Variants in ANKHD1 observed in about 807,000 individuals in gnomAD.
ANKHD1 encodes the protein ankyrin repeat and KH domain-containing protein 1.
In ANKHD1, 31 loss-of-function variants were observed where a neutral mutation model predicts 230.5. The ratio of observed to expected loss-of-function variants is 0.13; its 90% CI spans 0.10 to 0.18. The LOEUF is 0.18. Ranked by LOEUF, ANKHD1 falls within the 10% of genes least tolerant of loss-of-function variation. ANKHD1 has a pLI of 1.00. For synonymous variants in ANKHD1, 1,074 were observed against 1,117.6 expected (o/e 0.96, Z 0.78); for missense variants, 2,256 against 3,071.3 (o/e 0.73, Z 6.27).
chr5:140,500,893 C>T (rs1299779055), intron 15 of ANKHD1, among the ~76,000 whole-genome samples: 1 of 151,844 alleles, frequency 6.6e-6, no homozygotes, highest in Non-Finnish European at 1.5e-5. Flanking sequence ...AGTTTTAATA[C>T]AGTTTTTGAC....
At position 140,463,930 on chromosome 5, in the gene ANKHD1, C is replaced by T. The variant is rs551496991; in HGVS notation, c.1673-737C>T. 9.9e-5 allele frequency among the ~76,000 whole-genome samples: 15 copies of T among 152,154 alleles called. No individual in the cohort carries two copies. The South Asian group carries it at 3.1e-3, about 32-fold the overall frequency. On this transcript the variant is annotated intron_variant, in intron 9 of 33. Transcript: ENST00000360839. ...GATCTGCCCGCCTCAGCCTCAGCCT[C>T]CCAAAGTGCAAGGGTTACAGGTTTG...
chr5:140,528,315 C>G lies in ANKHD1; in HGVS notation c.5369C>G (p.Ala1790Gly). Residue 1790 changes from alanine to glycine, a missense_variant, in exon 29 of 34, where the codon GCT (alanine) becomes GGT (glycine). Coordinates refer to ENST00000360839, the MANE Select transcript of ANKHD1 (RefSeq NM_017747.3). ...CCTGCCAGCACCAAATCAATTCATG[C>G]TAACTTCTCATCTGGAGTAGGTACC... Reference protein sequence around the residue: ...RTPASTKSIHANFSSGVGTTA... With the variant: ...RTPASTKSIHGNFSSGVGTTA... 1.2e-6 allele frequency: 2 copies of G among 1,614,052 alleles called. No homozygotes were observed. Among genetic ancestry groups the G allele is most frequent in the Non-Finnish European group, 8.5e-7 (1 of 1,180,008 alleles).
At chr5:140,406,507 C>G (rs1230906283) in intron 1 of ANKHD1, among the ~76,000 whole-genome samples, 1 of 151,604 alleles carries the variant, frequency 6.6e-6, no homozygotes, top group African/African-American at 2.4e-5. Context: ...CTCTTTCTTG[C>G]TGGCCAAGCA....
chr5:140,479,184 T>C (rs1028807257), intron 10 of ANKHD1, among the ~76,000 whole-genome samples: 2 of 150,712 alleles, frequency 1.3e-5, no homozygotes, highest in Non-Finnish European at 3.0e-5. Flanking sequence ...TTTTTGTATT[T>C]TACGGGGTTT....
chr5:140,497,833 T>C (rs1752097628), intron 15 of ANKHD1, among the ~76,000 whole-genome samples: 1 of 151,610 alleles, frequency 6.6e-6, no homozygotes, highest in Admixed American at 6.6e-5. Context: ...AAGATTGGGA[T>C]TTTTGCATTA....
At chr5:140,412,779 A>T (rs1427870200) in intron 1 of ANKHD1, among the ~76,000 whole-genome samples, 1 of 152,194 alleles carries the variant, frequency 6.6e-6, no homozygotes, top group Non-Finnish European at 1.5e-5. Context: ...CCTGTGAGTA[A>T]AGATCAATTG....
chr5:140,522,637 A>T (rs1422706000), intron 24 of ANKHD1, among the ~76,000 whole-genome samples: 1 of 152,206 alleles, frequency 6.6e-6, no homozygotes, highest in East Asian at 1.9e-4. Flanking sequence ...ATAAGTATAC[A>T]GTTTTTGTAT....
chr5:140,458,971 T>TAC, intron 8 of ANKHD1, 109 bp downstream of exon 8: 1 of 22,728 alleles, frequency 4.4e-5, no homozygotes, highest in East Asian at 1.5e-3. Flanking sequence ...TATATATATA[T>TAC]ATATATATGC....
intron 1 of ANKHD1, 129 bp downstream of exon 1, chr5:140,402,402 G>A (rs965565242): frequency 1.5e-4 from 191 of 1,294,998 alleles, no homozygotes; most frequent in Non-Finnish European, 1.8e-4. Context: ...GCTCCATGGC[G>A]GCGGTGGCCG....
At chr5:140,436,285 C>T (rs373952439) in intron 2 of ANKHD1, 28 bp downstream of exon 2, 315 of 1,499,462 alleles carry the variant, frequency 2.1e-4, no homozygotes, top group Admixed American at 4.0e-4. Flanking sequence ...TTATCTTTTT[C>T]ATATCTTTAA....
chr5:140,514,559 G>T (rs554195550), intron 24 of ANKHD1, among the ~76,000 whole-genome samples: 176 of 152,286 alleles, frequency 1.2e-3, no homozygotes, highest in African/African-American at 4.0e-3. Flanking sequence ...AATAATATAT[G>T]ATTCAAAGGA....
intron 1 of ANKHD1, among the ~76,000 whole-genome samples, chr5:140,402,870 A>G (rs1248816343): frequency 6.6e-6 from 1 of 151,686 alleles, no homozygotes; most frequent in East Asian, 1.9e-4. Context: ...AGGAAAAGGA[A>G]GTTCCAGGGC....
intron 29 of ANKHD1, among the ~76,000 whole-genome samples, chr5:140,533,515 C>G (rs1052490867): frequency 6.6e-6 from 1 of 152,082 alleles, no homozygotes; most frequent in Non-Finnish European, 1.5e-5. Context: ...AGGAGAATGG[C>G]GTGAACCCGG....
At chr5:140,411,453 C>T (rs551214838) in intron 1 of ANKHD1, among the ~76,000 whole-genome samples, 1 of 149,520 alleles carries the variant, frequency 6.7e-6, no homozygotes, top group South Asian at 2.1e-4. Flanking sequence ...ATGCCTCTTT[C>T]AAACTATTAT....
chr5:140,537,747 C>T (rs1266996400), intron 31 of ANKHD1, 158 bp downstream of exon 31: 2 of 1,211,942 alleles, frequency 1.7e-6, no homozygotes, highest in Non-Finnish European at 2.2e-6. Flanking sequence ...GGAGTTCAGT[C>T]CAATTTCAGA....
chr5:140,510,258 C>A lies in ANKHD1; in HGVS notation c.4104+77C>A, dbSNP rs2127059013. 3 of 1,375,714 alleles carry A rather than the reference C, an allele frequency of 2.2e-6. No individual in the cohort carries two copies. The South Asian group carries it at 5.0e-5, about 23-fold the overall frequency. The allele number at this position is 1,375,714 out of a possible 1,614,324, so 85.2% of individuals were successfully genotyped here. On this transcript the variant is annotated intron_variant, in intron 22 of 33. Coordinates refer to ENST00000360839, the MANE Select transcript of ANKHD1 (RefSeq NM_017747.3). Reference sequence around the variant, plus strand: ...AACCATGTGAGAAAGATAAGTTTATCTTGGAGAATTGAGTATATTTCCATA... The same window carrying A: ...AACCATGTGAGAAAGATAAGTTTATATTGGAGAATTGAGTATATTTCCATA...
Position 140,509,615 on chromosome 5 carries a change from C to A in ANKHD1, c.3766-22C>A, listed in dbSNP as rs771839531. On this transcript the variant is annotated intron_variant, in intron 20 of 33. Coordinates refer to ENST00000360839, the MANE Select transcript of ANKHD1 (RefSeq NM_017747.3). ...TAAAAAAAGAAATGTAACTTAGTTGCATAATTTATTGGTTTAAACAGACGG... is the reference window on the plus strand; with the variant it reads ...TAAAAAAAGAAATGTAACTTAGTTGAATAATTTATTGGTTTAAACAGACGG... 2.7e-6 allele frequency: 4 copies of A among 1,487,646 alleles called. No homozygotes were observed. In the Admixed American group the frequency reaches 1.0e-4, roughly 38 times the overall value. The allele number at this position is 1,487,646 out of a possible 1,614,324, so 92.2% of individuals were successfully genotyped here.
At position 140,485,429 on chromosome 5, in the gene ANKHD1, T is replaced by TACACACACACACACACACACACAC; in HGVS notation, c.1999-159_1999-158insCACACACACACACACACACACACA. Reference sequence around the variant, plus strand: ...ACACACACACACACACACACACACGTATGTATGTGTATATATATATAAATA... The same window carrying TACACACACACACACACACACACAC: ...ACACACACACACACACACACACACGTACACACACACACACACACACACACATGTATGTGTATATATATATAAATA... On this transcript the variant is annotated intron_variant, in intron 12 of 33. Coordinates refer to ENST00000360839, the MANE Select transcript of ANKHD1 (RefSeq NM_017747.3). The surrounding 1 kb of genome is among the most constrained non-coding windows in gnomAD (Gnocchi z 4.8). 4.3e-5 allele frequency among the ~76,000 whole-genome samples: 2 copies of TACACACACACACACACACACACAC among 46,206 alleles called. No homozygotes were observed. The highest frequency in any genetic ancestry group is 0.014 in the Middle Eastern group (1 of 74). The allele number at this position is 46,206 out of a possible 152,430, so 30.3% of individuals were successfully genotyped here. A position where few individuals can be genotyped will look rare whatever the true frequency, so the allele number is the denominator to read the frequency against.
intron 10 of ANKHD1, among the ~76,000 whole-genome samples, chr5:140,468,667 A>G (rs1474808640): frequency 6.6e-6 from 1 of 152,176 alleles, no homozygotes; most frequent in Admixed American, 6.5e-5. Flanking sequence ...ATTTCTGTAT[A>G]CCCAAAATAT....
Sources: gnomAD v4.1 joint callset for allele counts (sites outside exome capture counted in the v4.1 genomes callset) on GRCh38, gnomAD v4.1.1 for gene constraint, Gnocchi (gnomAD v3.1) non-coding constraint, MANE v1.5 for transcripts, NCBI Gene and HGNC (gene_info 2026-07-23, HGNC 2026-07-21) for gene names.